Variants in ZNF469 observed in about 807,000 individuals in gnomAD.
ZNF469 encodes zinc finger protein 469.
ZNF469 carries 1 observed loss-of-function variant against 1.0 expected under a neutral mutation model. That is an observed-to-expected ratio of 1.00 (90% CI 0.35 to 4.73). The LOEUF (loss-of-function observed/expected upper bound fraction) is 4.73. Ranked by LOEUF, ZNF469 falls within the 30% of genes most tolerant of loss-of-function variation. The pLI, the probability that ZNF469 is intolerant of heterozygous loss-of-function variation, is 0.16. For missense variants in ZNF469, 6,100 were observed against 5,356.3 expected (o/e 1.14, Z -4.33); for synonymous variants, 2,703 against 2,363.4 (o/e 1.14, Z -4.17).
At chr16:88,266,254 A>G in the ZNF469 span, among the ~76,000 whole-genome samples, 1 of 152,132 alleles carries the variant, frequency 6.6e-6, no homozygotes. Flanking sequence ...GGACAGCACC[A>G]CTGGAGCTAT....
chr16:88,382,353 TCTAGGGGCCTGGATGGCTC>T (rs1250613197), upstream of ZNF469, among the ~76,000 whole-genome samples: 1 of 152,204 alleles, frequency 6.6e-6, no homozygotes, highest in Non-Finnish European at 1.5e-5. Flanking sequence ...CCTCTCCCTC[TCTAGGGGCCTGGATGGCTC>T]CTAGCGCCCC....
At chr16:88,339,064 G>A in the ZNF469 span, among the ~76,000 whole-genome samples, 1 of 150,934 alleles carries the variant, frequency 6.6e-6, no homozygotes, top group East Asian at 2.0e-4. Flanking sequence ...CTGCGTCCTG[G>A]AGGGGGCGTG....
In ZNF469 at chr16:88,437,307, C is replaced by G. The variant is rs1433706706; in HGVS notation, c.9837C>G (p.Pro3279=). The G allele has an allele frequency of 1.3e-6, 2 of 1,547,628 alleles. No homozygotes were observed. The highest frequency in any genetic ancestry group is 2.5e-5 in the East Asian group (1 of 40,804). The part of the protein sequence containing the change: ...ERAKPRARST[P]SNPDGAATPD... ...CGAAACCCCGGGCACGCAGCACCCC[C>G]AGCAACCCAGACGGGGCCGCGACCC... is the stretch of plus-strand genomic sequence containing the variant. Residue 3279 remains proline (P), a synonymous_variant, in exon 3 of 3, where the codon CCC becomes CCG. Transcript: ENST00000565624.
the ZNF469 span, among the ~76,000 whole-genome samples, chr16:88,356,051 TTCA>T: frequency 6.6e-6 from 1 of 152,178 alleles, no homozygotes; most frequent in Admixed American, 6.5e-5. Context: ...ACCACCAGCC[TTCA>T]TCATCACTTT....
At chr16:88,251,541 T>G in the ZNF469 span, among the ~76,000 whole-genome samples, 1 of 20,428 alleles carries the variant, frequency 4.9e-5, no homozygotes, top group Admixed American at 6.4e-4. Flanking sequence ...CTGCTGTCTT[T>G]TTTTTTTTTT....
At chr16:88,285,386 C>G in the ZNF469 span, among the ~76,000 whole-genome samples, 1 of 152,260 alleles carries the variant, frequency 6.6e-6, no homozygotes, top group Non-Finnish European at 1.5e-5. Flanking sequence ...GTGCAGCAGC[C>G]ATGGTCACCC....
At chr16:88,418,755 T>C (rs1224685638) in intron 1 of ZNF469, among the ~76,000 whole-genome samples, 1 of 152,226 alleles carries the variant, frequency 6.6e-6, no homozygotes, top group East Asian at 1.9e-4. Context: ...TTCTTAAACT[T>C]ACCCTCCGGG....
chr16:88,411,231 AG>A (rs1259608134), intron 1 of ZNF469, among the ~76,000 whole-genome samples: 1 of 152,184 alleles, frequency 6.6e-6, no homozygotes, highest in Non-Finnish European at 1.5e-5. Context: ...ACAACTTCAG[AG>A]GGTGAAAGTG....
the ZNF469 span, among the ~76,000 whole-genome samples, chr16:88,355,605 C>G: frequency 1.1e-4 from 17 of 152,206 alleles, no homozygotes; most frequent in Admixed American, 9.8e-4. Context: ...ATCGGCCTGG[C>G]TGTGAGTCCA....
rs745468033 is a variant in ZNF469 at position 88,436,069 on chromosome 16, G to A, written c.8599G>A (p.Gly2867Ser). 5.9e-5 allele frequency: 91 copies of A among 1,550,110 alleles called. No individual in the cohort carries two copies. Among genetic ancestry groups the A allele is most frequent in the Middle Eastern group, 1.7e-4 (1 of 5,992 alleles). The change falls in exon 3 of 3, where the codon GGT becomes AGT. Residue 2867 changes from glycine to serine, a missense_variant. Gly to Ser is a moderately conservative substitution (Grantham distance 56, BLOSUM62 0). Coordinates refer to ENST00000565624, the MANE Select transcript of ZNF469 (RefSeq NM_001367624.2). ...TTTCTCCCAGCTCTTCCCTCCAGGC[G>A]GTCGCTTGACTAGAAAGAGGAACCC... The part of the protein sequence containing the change: ...VSFSQLFPPG[G>S]RLTRKRNPHV...
At chr16:88,275,365 C>T in the ZNF469 span, among the ~76,000 whole-genome samples, 1 of 152,194 alleles carries the variant, frequency 6.6e-6, no homozygotes, top group South Asian at 2.1e-4. Context: ...GAAAACATGT[C>T]TTTGGAAGCT....
chr16:88,380,501 T>A (rs62652231), upstream of ZNF469, among the ~76,000 whole-genome samples: 4 of 121,720 alleles, frequency 3.3e-5, no homozygotes, highest in East Asian at 2.4e-4. Flanking sequence ...ACACATGCAC[T>A]CACACAGACA....
chr16:88,136,956 G>A, the ZNF469 span, among the ~76,000 whole-genome samples: 1 of 152,370 alleles, frequency 6.6e-6, no homozygotes, highest in Admixed American at 6.5e-5. Flanking sequence ...GGGCAGACAT[G>A]CATGTATGTA....
the ZNF469 span, among the ~76,000 whole-genome samples, chr16:88,122,046 C>T: frequency 4.0e-5 from 6 of 151,226 alleles, no homozygotes; most frequent in Admixed American, 1.3e-4. Context: ...ACTACGGCCA[C>T]GGCGGCCACT....
At chr16:88,360,449 C>T in the ZNF469 span, among the ~76,000 whole-genome samples, 52 of 152,092 alleles carry the variant, frequency 3.4e-4, no homozygotes, top group African/African-American at 1.1e-3. Context: ...AGTCAGCGCC[C>T]GCATGCTCCC....
chr16:88,431,959 C>A lies in ZNF469; in HGVS notation c.4489C>A (p.Pro1497Thr). The A allele has an allele frequency of 6.5e-7, 1 of 1,549,602 alleles. No homozygotes were observed. The highest frequency in any genetic ancestry group is 1.4e-5 in the African/African-American group (1 of 73,156). Residue 1497 changes from proline (P) to threonine (T), a missense_variant, in exon 3 of 3, where the codon CCG (proline) becomes ACG (threonine). Pro to Thr is a conservative substitution (Grantham distance 38). Coordinates refer to ENST00000565624, the MANE Select transcript of ZNF469 (RefSeq NM_001367624.2). ...CCAGAAGACGGTGCCGTCAGATCCA[C>A]CGTACCCCTCTTTTTTGCTGCTTGA... ...PPQKTVPSDPPYPSFLLLEEV... is the reference protein window; with the variant it reads ...PPQKTVPSDPTYPSFLLLEEV...
the ZNF469 span, among the ~76,000 whole-genome samples, chr16:88,322,826 A>G: frequency 6.6e-6 from 1 of 152,180 alleles, no homozygotes; most frequent in East Asian, 1.9e-4. Context: ...GACTTGGCCC[A>G]GGACTTGGGG....
intron 1 of ZNF469, among the ~76,000 whole-genome samples, chr16:88,388,375 C>A (rs2142263022): frequency 6.6e-6 from 1 of 152,398 alleles, no homozygotes; most frequent in African/African-American, 2.4e-5. Context: ...AGTCCACATT[C>A]ATGAGCAGCC....
At chr16:88,225,282 G>A in the ZNF469 span, among the ~76,000 whole-genome samples, 3 of 152,216 alleles carry the variant, frequency 2.0e-5, no homozygotes, top group Non-Finnish European at 2.9e-5. Flanking sequence ...CTGATTTCCC[G>A]ATGTGGCTGA....
Sources: allele counts gnomAD v4.1 joint callset (sites outside exome capture counted in the v4.1 genomes callset), GRCh38; gene constraint gnomAD v4.1.1; transcripts MANE v1.5; gene names NCBI Gene and HGNC (gene_info 2026-07-23, HGNC 2026-07-21).